TENM2: variants seen among roughly 807,000 people sequenced by gnomAD.
TENM2 encodes the protein teneurin-2.
Under a neutral mutation model 245.2 loss-of-function variants are expected in TENM2, and 52 were observed. The observed-to-expected ratio is 0.21, with a 90% CI of 0.17 to 0.27. The LOEUF (loss-of-function observed/expected upper bound fraction) is 0.27, where lower values mean the gene tolerates loss of function less well. TENM2 is among the 10% of genes least tolerant of loss of function. The pLI is 1.00. For missense variants in TENM2, 3,046 were observed against 3,666.8 expected, an observed-to-expected ratio of 0.83 and a Z score of 4.37; for synonymous variants, 1,363 against 1,438.9, an observed-to-expected ratio of 0.95 and a Z score of 1.19.
At chr5:167,911,002 C>G (rs1293634020) in intron 3 of TENM2, among the ~76,000 whole-genome samples, 1 of 151,974 alleles carries the variant, frequency 6.6e-6, no homozygotes, top group Admixed American at 6.6e-5. Flanking sequence ...CATCAAAAAC[C>G]TGTTATTAAG....
intron 2 of TENM2, among the ~76,000 whole-genome samples, chr5:167,571,717 A>T (rs772028843): frequency 6.6e-6 from 1 of 152,322 alleles, no homozygotes; most frequent in Admixed American, 6.5e-5. Context: ...GCTGTTCAAT[A>T]AACCTCGGGC....
At chr5:167,939,777 C>T (rs1296964375) in intron 3 of TENM2, among the ~76,000 whole-genome samples, 1 of 152,186 alleles carries the variant, frequency 6.6e-6, no homozygotes, top group Non-Finnish European at 1.5e-5. Context: ...TGTGCCACAT[C>T]GAGTTCCTTT....
At chr5:167,329,151 G>A (rs1757277078) in intron 1 of TENM2, among the ~76,000 whole-genome samples, 1 of 152,150 alleles carries the variant, frequency 6.6e-6, no homozygotes, top group African/African-American at 2.4e-5. Context: ...ATGAGTCTGG[G>A]TAGATAGAAT....
chr5:167,402,597 T>C (rs572074521), intron 2 of TENM2, among the ~76,000 whole-genome samples: 5 of 152,294 alleles, frequency 3.3e-5, no homozygotes, highest in African/African-American at 1.2e-4. Flanking sequence ...GGCTGAAGTG[T>C]AGATTCTCTC....
chr5:167,463,626 G>T (rs747663213), intron 2 of TENM2, among the ~76,000 whole-genome samples: 5 of 151,998 alleles, frequency 3.3e-5, no homozygotes, highest in African/African-American at 4.8e-5. Context: ...AGCCTCCCGA[G>T]TAGCTGGGAT....
intron 2 of TENM2, among the ~76,000 whole-genome samples, chr5:167,685,433 G>A (rs982721968): frequency 3.3e-5 from 5 of 151,856 alleles, no homozygotes; most frequent in African/African-American, 7.3e-5. Flanking sequence ...AGCCTTCCTC[G>A]GCCTTCTTTT....
At chr5:167,637,096 C>T (rs1014185669) in intron 2 of TENM2, among the ~76,000 whole-genome samples, 82 of 152,248 alleles carry the variant, frequency 5.4e-4, no homozygotes, top group African/African-American at 1.8e-3. Context: ...GATTTAAATA[C>T]GGCTACTGTA....
chr5:167,353,707 C>T (rs537190062), intron 1 of TENM2, among the ~76,000 whole-genome samples: 1 of 151,482 alleles, frequency 6.6e-6, no homozygotes, highest in East Asian at 1.9e-4. Flanking sequence ...CGGGGTTTCA[C>T]CGTTTTAGCC....
At chr5:168,118,675 A>G (rs1399089858) in intron 10 of TENM2, among the ~76,000 whole-genome samples, 189 bp downstream of exon 12, 1 of 152,214 alleles carries the variant, frequency 6.6e-6, no homozygotes, top group Non-Finnish European at 1.5e-5. Context: ...GCCTATGGAG[A>G]TGGTTCTGGA....
chr5:168,016,721 AC>A (rs1487542731), intron 5 of TENM2, among the ~76,000 whole-genome samples: 3 of 152,062 alleles, frequency 2.0e-5, no homozygotes, highest in African/African-American at 7.2e-5. Context: ...TAACAGCAAA[AC>A]CTCTGAAATC....
chr5:168,254,519 A>AGG, intron 27 of TENM2, among the ~76,000 whole-genome samples: 1 of 151,832 alleles, frequency 6.6e-6, no homozygotes, highest in Non-Finnish European at 1.5e-5. Flanking sequence ...GAAGAGGAAG[A>AGG]AAGGGAGGAA....
chr5:168,144,694 C>T (rs1370946527), intron 12 of TENM2, among the ~76,000 whole-genome samples: 7 of 151,662 alleles, frequency 4.6e-5, no homozygotes, highest in Non-Finnish European at 2.9e-5. Context: ...GGGTATATAC[C>T]CAGTAATGGG....
chr5:167,178,808 A>G, the TENM2 span, among the ~76,000 whole-genome samples: 3 of 152,300 alleles, frequency 2.0e-5, no homozygotes, highest in African/African-American at 7.2e-5. Flanking sequence ...ACTTGCACAC[A>G]CGCATATAAA....
chr5:167,810,310 C>T (rs1172339964), intron 2 of TENM2, among the ~76,000 whole-genome samples: 1 of 152,074 alleles, frequency 6.6e-6, no homozygotes, highest in Non-Finnish European at 1.5e-5. Context: ...TACTAAATCA[C>T]GGTGTTAGTG....
intron 2 of TENM2, among the ~76,000 whole-genome samples, chr5:167,574,394 C>A (rs1034084558): frequency 6.6e-6 from 1 of 152,124 alleles, no homozygotes. Flanking sequence ...CCCTAGGAGA[C>A]AGCTGCCATT....
At chr5:167,448,040 A>C (rs995949314) in intron 2 of TENM2, among the ~76,000 whole-genome samples, 2 of 152,184 alleles carry the variant, frequency 1.3e-5, no homozygotes, top group African/African-American at 2.4e-5. Context: ...AAAAATGAAC[A>C]GTGGGATAAA....
chr5:167,013,710 A>T, the TENM2 span, among the ~76,000 whole-genome samples: 1 of 152,162 alleles, frequency 6.6e-6, no homozygotes, highest in Non-Finnish European at 1.5e-5. Context: ...CCGTCTCAAA[A>T]ATAAATAAAG....
intron 1 of TENM2, among the ~76,000 whole-genome samples, chr5:167,343,566 T>C (rs955083815): frequency 6.6e-6 from 1 of 152,230 alleles, no homozygotes; most frequent in African/African-American, 2.4e-5. Context: ...CATATAACTT[T>C]ATTTAAAAAG....
intron 2 of TENM2, among the ~76,000 whole-genome samples, chr5:167,658,132 G>T (rs1755589783): frequency 6.6e-6 from 1 of 152,054 alleles, no homozygotes; most frequent in African/African-American, 2.4e-5. Flanking sequence ...CAAAGCAACA[G>T]CATTTGAGGT....
Sources: allele counts gnomAD v4.1 joint callset (sites outside exome capture counted in the v4.1 genomes callset), GRCh38; gene constraint gnomAD v4.1.1; transcripts MANE v1.5; gene names NCBI Gene and HGNC (gene_info 2026-07-23, HGNC 2026-07-21).